Variants in CFH observed in about 807,000 individuals in gnomAD.
The protein encoded by CFH is H factor 1 (complement).
A neutral mutation model predicts 147.3 loss-of-function variants in CFH; 53 were observed. The observed-to-expected ratio is 0.36, with a 90% CI of 0.29 to 0.45. The LOEUF (loss-of-function observed/expected upper bound fraction) is 0.45, where lower values mean the gene tolerates loss of function less well. Ranked by LOEUF, CFH falls within the 20% of genes least tolerant of loss-of-function variation. CFH has a pLI of 1.00. For missense variants in CFH, 1,380 were observed against 1,498.0 expected (o/e 0.92, Z 1.30); for synonymous variants, 536 against 489.4 (o/e 1.10, Z -1.26).
At chr1:196,713,278 T>C (rs1299569754) in intron 9 of CFH, among the ~76,000 whole-genome samples, 2 of 152,156 alleles carry the variant, frequency 1.3e-5, no homozygotes, top group African/African-American at 4.8e-5. Context: ...ACATTTCAAA[T>C]TCTTGGAGCC....
chr1:196,654,457 A>G (rs1202932641), intron 1 of CFH, among the ~76,000 whole-genome samples: 6 of 152,110 alleles, frequency 3.9e-5, no homozygotes, highest in Non-Finnish European at 5.9e-5. Context: ...AGTCTGGCTC[A>G]GGGGGTCACT....
chr1:196,740,780 C>T lies in CFH; in HGVS notation c.2944C>T (p.Pro982Ser), dbSNP rs149938052. The change falls in exon 18 of 22, where the codon CCA becomes TCA. Residue 982 changes from proline (P) to serine (S), a missense_variant. By Grantham distance (74) the Pro-to-Ser change is moderately conservative (BLOSUM62 -1). Around this residue, in one of 4 missense-constraint regions of CFH, gnomAD observed 830 missense variants for 821.4 expected, o/e 1.01. Coordinates refer to ENST00000367429, the MANE Select transcript of CFH (RefSeq NM_000186.4). ...KCLGEKWSHP[P>S]SCIKTDCLSL... ...CTTAGGAGAAAAATGGTCTCACCCT[C>T]CATCATGCATAAGTATGGTGCATTG... The T allele has an allele frequency of 1.8e-5, 29 of 1,613,740 alleles. No homozygotes were observed. In the East Asian group the frequency reaches 5.4e-4, roughly 30 times the overall value.
At position 196,679,643 on chromosome 1, in the gene CFH, G is replaced by T. The variant is rs530228595; in HGVS notation, c.640G>T (p.Asp214Tyr). ...TTTAGAAATTTCATGCAAATCCCCA[G>T]ATGTTATAAATGGATCTCCTATATC... Reference protein sequence around the residue: ...KCVEISCKSPDVINGSPISQK... With the variant: ...KCVEISCKSPYVINGSPISQK... The change falls in exon 6 of 22, where the codon GAT becomes TAT. Residue 214 changes from aspartate (D) to tyrosine (Y), a missense_variant. Around this residue, in one of 4 missense-constraint regions of CFH, gnomAD observed 260 missense variants for 263.3 expected, o/e 0.99. Coordinates refer to ENST00000367429, the MANE Select transcript of CFH (RefSeq NM_000186.4). 6.2e-7 allele frequency: 1 copy of T among 1,605,436 alleles called. No homozygotes were observed. Among genetic ancestry groups the T allele is most frequent in the Non-Finnish European group, 8.5e-7 (1 of 1,173,470 alleles).
At position 196,745,847 on chromosome 1, in the gene CFH, C is replaced by T. The variant is rs138609319; in HGVS notation, c.3341C>T (p.Pro1114Leu). 1.2e-6 allele frequency: 2 copies of T among 1,613,992 alleles called. No individual in the cohort carries two copies. The highest frequency in any genetic ancestry group is 1.7e-6 in the Non-Finnish European group (2 of 1,180,018). The change falls in exon 21 of 22, where the codon CCT becomes CTT. Residue 1114 changes from proline to leucine, a missense_variant. Physicochemically the swap from Pro to Leu is moderately conservative, Grantham distance 98. Coordinates refer to ENST00000367429, the MANE Select transcript of CFH (RefSeq NM_000186.4). The part of the protein sequence containing the change: ...DSTGKCGPPP[P>L]IDNGDITSFP... The stretch of plus-strand genomic sequence containing the variant: ...ACAGGAAAATGTGGGCCCCCTCCAC[C>T]TATTGACAATGGGGACATTACTTCA...
rs1200135059 is a variant in CFH, at chr1:196,658,235, T to G, written c.58+6060T>G. Among the ~76,000 whole-genome samples the G allele has an allele frequency of 5.3e-5, 8 of 151,824 alleles. No individual in the cohort carries two copies. In the East Asian group the frequency reaches 1.6e-3, roughly 29 times the overall value. ...TTAATTCATGGGCTAAAAAAAAACT[T>G]GATTTTGTTTAGTATTATTCTTACT... is the stretch of plus-strand genomic sequence containing the variant. On this transcript the variant is annotated intron_variant, in intron 1 of 21. Transcript: ENST00000367429.
At chr1:196,663,456 C>A (rs1319323460) in intron 1 of CFH, among the ~76,000 whole-genome samples, 1 of 152,154 alleles carries the variant, frequency 6.6e-6, no homozygotes, top group African/African-American at 2.4e-5. Context: ...TTTCTTTCCT[C>A]AGATATCATT....
At chr1:196,670,719 A>G (rs1342873977) in intron 1 of CFH, among the ~76,000 whole-genome samples, 2 of 152,308 alleles carry the variant, frequency 1.3e-5, no homozygotes, top group East Asian at 3.9e-4. Flanking sequence ...ATGGACTAAT[A>G]CAATCTGCTT....
At chr1:196,688,140 C>G (rs1039316422) in intron 7 of CFH, among the ~76,000 whole-genome samples, 13 of 151,568 alleles carry the variant, frequency 8.6e-5, no homozygotes, top group African/African-American at 3.1e-4. Context: ...GAAATAGAAA[C>G]ATATTTCATG....
chr1:196,713,663 A>T (rs1668775291), intron 9 of CFH, 72 bp from the exon 10 acceptor site: 1 of 964,288 alleles, frequency 1.0e-6, no homozygotes, highest in Non-Finnish European at 1.6e-6. Flanking sequence ...TTTTATATTT[A>T]CATATTACTT....
intron 9 of CFH, among the ~76,000 whole-genome samples, chr1:196,702,119 A>T (rs935357734): frequency 1.3e-5 from 2 of 152,178 alleles, no homozygotes; most frequent in Non-Finnish European, 2.9e-5. Context: ...GAAAAAGATG[A>T]TGCTATGATG....
Position 196,712,738 on chromosome 1 carries a change from G to A in CFH, c.1337-997G>A, listed in dbSNP as rs542086370. Among the ~76,000 whole-genome samples, 35 of 149,518 alleles carry A rather than the reference G, an allele frequency of 2.3e-4. No individual in the cohort carries two copies. The South Asian group carries it at 6.9e-3, about 30-fold the overall frequency. The stretch of plus-strand genomic sequence containing the variant: ...CCATTAACTCGTCATTTAGCATTAC[G>A]TATATCTCCTAATGCTATCCCTCCC... On this transcript the variant is annotated intron_variant, in intron 9 of 21. Transcript: ENST00000367429.
intron 11 of CFH, among the ~76,000 whole-genome samples, chr1:196,720,606 G>A (rs987235866): frequency 1.3e-5 from 2 of 151,812 alleles, no homozygotes; most frequent in South Asian, 2.1e-4. Context: ...TGCTTCTGAA[G>A]GCATGATTTT....
intron 9 of CFH, among the ~76,000 whole-genome samples, chr1:196,690,945 C>T (rs1022405616): frequency 6.6e-6 from 1 of 152,120 alleles, no homozygotes; most frequent in African/African-American, 2.4e-5. Flanking sequence ...TGCCTAGTCC[C>T]AGGTAGCCTT....
intron 17 of CFH, 46 bp downstream of exon 17, chr1:196,737,706 T>A (rs1240974339): frequency 1.6e-5 from 24 of 1,515,738 alleles, no homozygotes; most frequent in Non-Finnish European, 2.1e-5. Context: ...GTAGAATTCA[T>A]AAAAATAATC....
At chr1:196,726,728 T>C in intron 13 of CFH, 33 bp from the exon 14 acceptor site, 1 of 1,611,700 alleles carries the variant, frequency 6.2e-7, no homozygotes. Flanking sequence ...CATCATGTTT[T>C]CACAATAAAC....
intron 4 of CFH, 93 bp downstream of exon 4, chr1:196,676,158 T>A: frequency 1.4e-6 from 1 of 726,596 alleles, no homozygotes; most frequent in Non-Finnish European, 2.2e-6. Flanking sequence ...CTCTATTAAA[T>A]ATTTTTATTT....
Position 196,709,559 on chromosome 1 carries a change from T to C in CFH, c.1337-4176T>C, listed in dbSNP as rs772757829. On this transcript the variant is annotated intron_variant, in intron 9 of 21. Coordinates refer to ENST00000367429, the MANE Select transcript of CFH (RefSeq NM_000186.4). ...ACTGAAACTGTCCCTAGGAAAGTTA[T>C]ATAAAATTGATTAAGGGGGAAAAAT... Among the ~76,000 whole-genome samples, 56 of 152,120 alleles carry C rather than the reference T, an allele frequency of 3.7e-4. 1 individual carries two copies. The highest frequency in any genetic ancestry group is 1.4e-4 in the African/African-American group (6 of 41,430).
At chr1:196,692,802 CTT>C (rs775578724) in intron 9 of CFH, among the ~76,000 whole-genome samples, 20 of 50,780 alleles carry the variant, frequency 3.9e-4, no homozygotes, top group African/African-American at 5.2e-4. Context: ...TTCTTTCTTT[CTT>C]TCTTTCTTTC....
intron 1 of CFH, among the ~76,000 whole-genome samples, chr1:196,666,826 G>A (rs1034426837): frequency 2.0e-5 from 3 of 148,394 alleles, no homozygotes; most frequent in Admixed American, 1.3e-4. Context: ...AAAAAAAAAA[G>A]GGTTGCTTAA....
Sources: gnomAD v4.1 joint callset for allele counts (sites outside exome capture counted in the v4.1 genomes callset) on GRCh38, gnomAD v4.1.1 for gene constraint, gnomAD v4.1.1 regional missense constraint, MANE v1.5 for transcripts, NCBI Gene and HGNC (gene_info 2026-07-23, HGNC 2026-07-21) for gene names.